The following CSMD3 variants were observed in gnomAD, a reference collection of about 807,000 sequenced individuals.
CSMD3 encodes the protein CUB and sushi domain-containing protein 3.
In CSMD3, 177 loss-of-function variants were observed where a neutral mutation model predicts 435.2. The ratio of observed to expected loss-of-function variants is 0.41; its 90% confidence interval spans 0.36 to 0.46. The LOEUF is 0.46. CSMD3 is among the 20% of genes least tolerant of loss of function. CSMD3 has a pLI of 0.34. For missense variants in CSMD3, 4,265 were observed against 4,504.6 expected, an observed-to-expected ratio of 0.95 and a Z score of 1.52; for synonymous variants, 1,656 against 1,520.5, an observed-to-expected ratio of 1.09 and a Z score of -2.07.
intron 22 of CSMD3, among the ~76,000 whole-genome samples, chr8:112,619,304 C>A (rs1480015854): frequency 6.6e-6 from 1 of 151,592 alleles, no homozygotes; most frequent in Non-Finnish European, 1.5e-5. Context: ...CATACTGTAC[C>A]TCTCCTGTTG....
At chr8:113,184,066 A>G (rs1264143933) in intron 3 of CSMD3, among the ~76,000 whole-genome samples, 2 of 152,014 alleles carry the variant, frequency 1.3e-5, no homozygotes, top group African/African-American at 4.8e-5. Context: ...ACAATCTTCC[A>G]GTGGAGTTTT....
chr8:112,779,130 TCTC>T (rs1474786575), intron 13 of CSMD3, among the ~76,000 whole-genome samples: 1 of 151,622 alleles, frequency 6.6e-6, no homozygotes, highest in Admixed American at 6.6e-5. Context: ...TAACTTGTCT[TCTC>T]ATTATCTTGA....
At chr8:113,233,443 T>C (rs2093112095) in intron 3 of CSMD3, among the ~76,000 whole-genome samples, 1 of 150,768 alleles carries the variant, frequency 6.6e-6, no homozygotes, top group South Asian at 2.1e-4. Flanking sequence ...TAATAAAACC[T>C]TGCATTTATA....
intron 1 of CSMD3, among the ~76,000 whole-genome samples, chr8:113,339,305 A>T (rs2094100948): frequency 6.6e-6 from 1 of 151,942 alleles, no homozygotes; most frequent in South Asian, 2.1e-4. Context: ...AGAAAATACA[A>T]ATTTAAATAA....
intron 1 of CSMD3, among the ~76,000 whole-genome samples, chr8:113,324,859 C>T (rs2132726324): frequency 6.6e-6 from 1 of 152,292 alleles, no homozygotes; most frequent in South Asian, 2.1e-4. Flanking sequence ...TGGAGCTGCC[C>T]AAGACCATGA....
chr8:112,682,943 A>G (rs958005637), intron 15 of CSMD3, among the ~76,000 whole-genome samples: 1 of 152,114 alleles, frequency 6.6e-6, no homozygotes, highest in Admixed American at 6.6e-5. Flanking sequence ...TTATGAAAAT[A>G]TTTCCAGTAT....
intron 10 of CSMD3, among the ~76,000 whole-genome samples, chr8:112,894,995 G>C (rs1248384920): frequency 1.3e-5 from 2 of 151,320 alleles, no homozygotes; most frequent in Non-Finnish European, 3.0e-5. Context: ...AAAGGCTCAT[G>C]GATGAGAGTT....
At chr8:113,293,713 A>G (rs1334243474) in intron 2 of CSMD3, among the ~76,000 whole-genome samples, 1 of 152,030 alleles carries the variant, frequency 6.6e-6, no homozygotes, top group Non-Finnish European at 1.5e-5. Context: ...CTTTTATAAC[A>G]AGTTCCCTTT....
intron 3 of CSMD3, among the ~76,000 whole-genome samples, chr8:113,213,512 T>TG (rs1177729890): frequency 1.5e-5 from 2 of 135,498 alleles, no homozygotes; most frequent in Admixed American, 1.4e-4. Context: ...CTTTTGTGTG[T>TG]TTTTTTTTTA....
intron 13 of CSMD3, among the ~76,000 whole-genome samples, chr8:112,708,779 G>C (rs1304539468): frequency 6.7e-6 from 1 of 149,504 alleles, no homozygotes; most frequent in African/African-American, 2.5e-5. Context: ...TGCAACAATC[G>C]AGAGCAAAAA....
chr8:112,930,853 A>C (rs2083083309), intron 9 of CSMD3, among the ~76,000 whole-genome samples: 1 of 152,064 alleles, frequency 6.6e-6, no homozygotes. Flanking sequence ...TTAAACACTG[A>C]CTACCTATGT....
At chr8:113,425,946 A>G (rs1027120037) in intron 1 of CSMD3, among the ~76,000 whole-genome samples, 7 of 151,610 alleles carry the variant, frequency 4.6e-5, no homozygotes, top group African/African-American at 1.7e-4. Flanking sequence ...TGATTTATGC[A>G]TCAGCCAAAA....
intron 4 of CSMD3, among the ~76,000 whole-genome samples, chr8:113,137,950 C>T (rs1011708429): frequency 6.6e-6 from 1 of 151,602 alleles, no homozygotes; most frequent in South Asian, 2.1e-4. Context: ...CTCCTTAGCA[C>T]TCTTCAATGT....
At chr8:112,813,951 C>T (rs1016323570) in intron 12 of CSMD3, among the ~76,000 whole-genome samples, 9 of 152,310 alleles carry the variant, frequency 5.9e-5, no homozygotes, top group East Asian at 1.9e-4. Flanking sequence ...CCCAAGGCTT[C>T]GCCCCGTCCT....
chr8:113,348,057 G>C (rs1246565039), intron 1 of CSMD3, among the ~76,000 whole-genome samples: 1 of 152,064 alleles, frequency 6.6e-6, no homozygotes, highest in Non-Finnish European at 1.5e-5. Context: ...ACTGAGAAAG[G>C]CAGTCACCTC....
chr8:113,194,467 A>G (rs1245143775), intron 3 of CSMD3, among the ~76,000 whole-genome samples: 1 of 151,352 alleles, frequency 6.6e-6, no homozygotes, highest in African/African-American at 2.4e-5. Context: ...GGAAACTATG[A>G]TGGTAGATAT....
chr8:112,392,437 C>G (rs1830499363), intron 35 of CSMD3, among the ~76,000 whole-genome samples: 1 of 150,818 alleles, frequency 6.6e-6, no homozygotes, highest in Admixed American at 6.6e-5. Context: ...TATACAAATT[C>G]TGTTTAAATT....
intron 32 of CSMD3, among the ~76,000 whole-genome samples, chr8:112,412,370 C>A (rs1256176656): frequency 2.0e-5 from 3 of 147,544 alleles, no homozygotes; most frequent in African/African-American, 7.5e-5. Context: ...CCGTGGTGGT[C>A]TGTTTCTTCA....
At chr8:112,282,074 A>G (rs1370606419) in intron 58 of CSMD3, among the ~76,000 whole-genome samples, 1 of 152,138 alleles carries the variant, frequency 6.6e-6, no homozygotes, top group East Asian at 1.9e-4. Flanking sequence ...TATCAAACGT[A>G]ATACTTAATT....
Sources: gnomAD v4.1 joint callset for allele counts (sites outside exome capture counted in the v4.1 genomes callset) on GRCh38, gnomAD v4.1.1 for gene constraint, MANE v1.5 for transcripts, NCBI Gene and HGNC (gene_info 2026-07-23, HGNC 2026-07-21) for gene names.